TM9SF4: variants seen among roughly 807,000 people sequenced by gnomAD.
TM9SF4 encodes transmembrane 9 superfamily member 4.
A neutral mutation model predicts 90.4 loss-of-function variants in TM9SF4; 26 were observed. The observed-to-expected ratio is 0.29, with a 90% CI of 0.21 to 0.40. TM9SF4 has a LOEUF of 0.40. TM9SF4 is among the 10% of genes least tolerant of loss of function. TM9SF4 has a pLI of 1.00. For synonymous variants in TM9SF4, 293 were observed against 315.4 expected, an observed-to-expected ratio of 0.93 and a Z score of 0.75; for missense variants, 549 against 834.8, an observed-to-expected ratio of 0.66 and a Z score of 4.22.
At chr20:32,112,566 C>T (rs955369116) in intron 1 of TM9SF4, among the ~76,000 whole-genome samples, 4 of 151,972 alleles carry the variant, frequency 2.6e-5, no homozygotes, top group African/African-American at 9.7e-5. Context: ...TGGTGGCACA[C>T]ACCTGTAATC....
rs776415105 is a variant in TM9SF4, at chr20:32,136,027, C to A, written c.130-47C>A. 125 of 1,546,344 alleles carry A rather than the reference C, an allele frequency of 8.1e-5. No individual in the cohort carries two copies. The Admixed American group carries it at 2.0e-3, about 25-fold the overall frequency. On this transcript the variant is annotated intron_variant, in intron 2 of 17. Transcript: ENST00000398022. Reference sequence around the variant, plus strand: ...CAAGTGTACTAAAGATGTGTGGGTACCAGGGAGGATTATTGGTCATCTTGG... The same window carrying A: ...CAAGTGTACTAAAGATGTGTGGGTAACAGGGAGGATTATTGGTCATCTTGG...
chr20:32,149,651 G>A lies in TM9SF4; in HGVS notation c.972G>A (p.Glu324=), dbSNP rs1418892173. 3 of 1,614,094 alleles carry A rather than the reference G, an allele frequency of 1.9e-6. No individual in the cohort carries two copies. Among genetic ancestry groups the A allele is most frequent in the African/African-American group, 2.7e-5 (2 of 74,930 alleles). The change falls in exon 10 of 18, where the codon GAG becomes GAA. Residue 324 remains glutamate, a synonymous_variant. Coordinates refer to ENST00000398022, the MANE Select transcript of TM9SF4 (RefSeq NM_014742.4). ...KEDDIEDTME[E]SGWKLVHGDV... ...CGCTGCAGGAAGACACCATGGAGGA[G>A]TCTGGGTGGAAGTTGGTGCACGGCG...
At chr20:32,149,207 CAT>C (rs745875076) in intron 9 of TM9SF4, among the ~76,000 whole-genome samples, 25 of 152,212 alleles carry the variant, frequency 1.6e-4, no homozygotes, top group East Asian at 7.7e-4. Context: ...CTGTAATAAA[CAT>C]GTATTACTTT....
At chr20:32,136,208 C>T (rs774881939) in intron 3 of TM9SF4, 35 bp downstream of exon 3, 55 of 1,591,020 alleles carry the variant, frequency 3.5e-5, no homozygotes, top group Non-Finnish European at 4.1e-5. Flanking sequence ...TCAACTTGTC[C>T]CCAGGGGGAA....
At chr20:32,127,693 T>TATTG (rs1208488685) in intron 1 of TM9SF4, among the ~76,000 whole-genome samples, 3 of 152,244 alleles carry the variant, frequency 2.0e-5, no homozygotes, top group Non-Finnish European at 4.4e-5. Flanking sequence ...AACAAAAGTG[T>TATTG]ATTGAAGTCT....
intron 13 of TM9SF4, among the ~76,000 whole-genome samples, chr20:32,155,994 A>G (rs988734333): frequency 2.0e-5 from 3 of 152,206 alleles, no homozygotes; most frequent in African/African-American, 4.8e-5. Context: ...CCAGCTGCTC[A>G]TTATAAACAT....
At chr20:32,114,525 G>A (rs1239462197) in intron 1 of TM9SF4, among the ~76,000 whole-genome samples, 1 of 152,136 alleles carries the variant, frequency 6.6e-6, no homozygotes, top group Non-Finnish European at 1.5e-5. Context: ...TAGAGACAGG[G>A]TCTTGCTATG....
chr20:32,155,722 G>A (rs1272249109), intron 13 of TM9SF4, among the ~76,000 whole-genome samples: 1 of 152,152 alleles, frequency 6.6e-6, no homozygotes, highest in East Asian at 1.9e-4. Flanking sequence ...GGGGGAGTGG[G>A]GTCTTGGTCA....
At chr20:32,141,418 T>G (rs2046676068) in intron 3 of TM9SF4, 79 bp from the exon 4 acceptor site, 1 of 1,550,092 alleles carries the variant, frequency 6.5e-7, no homozygotes, top group African/African-American at 1.4e-5. Context: ...TGCCCCGCAG[T>G]CCTGTGTCTC....
At chr20:32,150,755 A>G (rs1392318658) in intron 11 of TM9SF4, 45 bp from the exon 12 acceptor site, 1 of 1,614,136 alleles carries the variant, frequency 6.2e-7, no homozygotes, top group Admixed American at 1.7e-5. Flanking sequence ...CCTCCACACC[A>G]GCTAATGGGT....
chr20:32,123,866 A>ATATATAT, intron 1 of TM9SF4, among the ~76,000 whole-genome samples: 13 of 93,960 alleles, frequency 1.4e-4, no homozygotes, highest in African/African-American at 4.1e-4. Context: ...ATATATATAT[A>ATATATAT]TTTTTTTTTT....
At chr20:32,132,129 C>T (rs976511306) in intron 1 of TM9SF4, among the ~76,000 whole-genome samples, 2 of 151,988 alleles carry the variant, frequency 1.3e-5, no homozygotes, top group Non-Finnish European at 1.5e-5. Context: ...TGCCATTGGG[C>T]GTGGTAGCTC....
Position 32,155,181 on chromosome 20 carries a change from G to A in TM9SF4, c.1324G>A (p.Gly442Arg). 6.2e-7 allele frequency: 1 copy of A among 1,613,978 alleles called. No homozygotes were observed. Among genetic ancestry groups the A allele is most frequent in the South Asian group, 1.1e-5 (1 of 91,082 alleles). ...CTTCATTTGGGGAAAGCACTCATCA[G>A]GAGCGGTAAGTGCCTCCCCTACCCT... ...NCFIWGKHSS[G>R]AVPFPTMVAL... The change falls in exon 13 of 18, where the codon GGA becomes AGA. Residue 442 changes from glycine (G) to arginine (R), a missense_variant. Around this residue, in one of 2 missense-constraint regions of TM9SF4, gnomAD observed 495 missense variants for 711.7 expected, o/e 0.70. Transcript: ENST00000398022.
At chr20:32,160,628 A>G (rs1296982832) in intron 16 of TM9SF4, among the ~76,000 whole-genome samples, 1 of 152,076 alleles carries the variant, frequency 6.6e-6, no homozygotes, top group Admixed American at 6.5e-5. Context: ...CTCAGGATTA[A>G]ATGAGTGGAT....
chr20:32,155,330 G>A, intron 13 of TM9SF4, 144 bp downstream of exon 13: 2 of 744,596 alleles, frequency 2.7e-6, no homozygotes, highest in Non-Finnish European at 4.6e-6. Flanking sequence ...AGGGCAGAGG[G>A]CCAGCTGGGG....
chr20:32,157,676 G>A, intron 13 of TM9SF4, 118 bp from the exon 14 acceptor site: 1 of 1,322,964 alleles, frequency 7.6e-7, no homozygotes, highest in Non-Finnish European at 1.0e-6. Context: ...CAGGGAGTGT[G>A]CTTCTGCTGC....
At chr20:32,121,516 G>A (rs2046306939) in intron 1 of TM9SF4, among the ~76,000 whole-genome samples, 1 of 151,766 alleles carries the variant, frequency 6.6e-6, no homozygotes, top group Admixed American at 6.6e-5. Context: ...CACAGGGTTG[G>A]GGGTAAGGTC....
chr20:32,149,863 A>G (rs2046816944), intron 10 of TM9SF4, 97 bp downstream of exon 10: 3 of 1,526,278 alleles, frequency 2.0e-6, no homozygotes, highest in Non-Finnish European at 2.7e-6. Flanking sequence ...GAGAAAGGGA[A>G]CCAAGCTCCT....
chr20:32,127,676 A>C (rs2046443430), intron 1 of TM9SF4, among the ~76,000 whole-genome samples: 1 of 152,026 alleles, frequency 6.6e-6, no homozygotes. Flanking sequence ...CATTGGTTTG[A>C]GACTGGAACA....
Sources: allele counts gnomAD v4.1 joint callset (sites outside exome capture counted in the v4.1 genomes callset), GRCh38; gene constraint gnomAD v4.1.1; regional missense constraint gnomAD v4.1.1; transcripts MANE v1.5; gene names NCBI Gene and HGNC (gene_info 2026-07-23, HGNC 2026-07-21).